The following TAFA2 variants were observed in gnomAD, a reference collection of about 807,000 sequenced individuals.
The protein encoded by TAFA2 is chemokine-like protein TAFA-2.
Under a neutral mutation model 18.8 loss-of-function variants are expected in TAFA2, and 7 were observed. That is an observed-to-expected ratio of 0.37 (90% CI 0.21 to 0.70). The LOEUF is 0.70. Among genes scored for constraint, TAFA2 ranks in the 30% least tolerant of loss-of-function variants. The pLI is 0.53. For synonymous variants in TAFA2, 60 were observed against 54.2 expected, an observed-to-expected ratio of 1.11 and a Z score of -0.47; for missense variants, 122 against 158.1, an observed-to-expected ratio of 0.77 and a Z score of 1.23.
chr12:62,054,280 G>T (rs1255163787), intron 1 of TAFA2, among the ~76,000 whole-genome samples: 1 of 152,172 alleles, frequency 6.6e-6, no homozygotes. Flanking sequence ...AAATATGGAC[G>T]TGATGCTGAA....
At chr12:61,897,015 A>G (rs1353870160) in intron 1 of TAFA2, among the ~76,000 whole-genome samples, 5 of 152,178 alleles carry the variant, frequency 3.3e-5, no homozygotes, top group Non-Finnish European at 5.9e-5. Context: ...TTACTTTTCC[A>G]TATTATTTGA....
chr12:62,071,038 G>T (rs1296079168), intron 1 of TAFA2, among the ~76,000 whole-genome samples: 2 of 152,180 alleles, frequency 1.3e-5, no homozygotes, highest in Non-Finnish European at 2.9e-5. Context: ...AAAAGCAAAA[G>T]AAGTCTTTCA....
chr12:62,211,183 C>T (rs569729380), intron 1 of TAFA2, among the ~76,000 whole-genome samples: 3 of 152,070 alleles, frequency 2.0e-5, no homozygotes, highest in Non-Finnish European at 4.4e-5. Context: ...GATGATACCA[C>T]CAAAGAGAGA....
At chr12:61,911,617 C>G (rs1269649209) in intron 1 of TAFA2, among the ~76,000 whole-genome samples, 2 of 152,106 alleles carry the variant, frequency 1.3e-5, no homozygotes, top group Non-Finnish European at 2.9e-5. Flanking sequence ...ATTTAATAAG[C>G]AGAGTTTTCT....
chr12:61,711,554 G>A (rs1165085996), intron 4 of TAFA2, among the ~76,000 whole-genome samples: 1 of 151,900 alleles, frequency 6.6e-6, no homozygotes, highest in Non-Finnish European at 1.5e-5. Flanking sequence ...AAGTCTGTTT[G>A]GTTTCATTGT....
rs201803041 is a variant in TAFA2, at chr12:61,877,916, T to TACACAC, written c.-1-10491_-1-10490insGTGTGT. ...AAATTGTGATTTTTATATATATATA[T>TACACAC]ATATATATACACACACACACACACA... On this transcript the variant is annotated intron_variant, in intron 1 of 4. Transcript: ENST00000416284. Among the ~76,000 whole-genome samples the TACACAC allele has an allele frequency of 6.2e-3, 357 of 57,872 alleles. 2 individuals carry two copies. The highest frequency in any genetic ancestry group is 0.029 in the South Asian group (37 of 1,290). The allele number at this position is 57,872 out of a possible 152,430, so 38.0% of individuals were successfully genotyped here.
chr12:61,773,384 G>T (rs1870115128), intron 2 of TAFA2, among the ~76,000 whole-genome samples: 1 of 151,274 alleles, frequency 6.6e-6, no homozygotes, highest in East Asian at 1.9e-4. Context: ...ACCAAAAAAG[G>T]GCCCACACAG....
intron 1 of TAFA2, among the ~76,000 whole-genome samples, chr12:62,179,251 C>T (rs970010051): frequency 6.6e-6 from 1 of 152,140 alleles, no homozygotes; most frequent in African/African-American, 2.4e-5. Flanking sequence ...AATTATGACA[C>T]ATTCCTCAAC....
intron 2 of TAFA2, among the ~76,000 whole-genome samples, chr12:61,819,166 G>A (rs1454235761): frequency 1.3e-5 from 2 of 152,122 alleles, no homozygotes; most frequent in Non-Finnish European, 2.9e-5. Flanking sequence ...GGTTTGTGTA[G>A]AGCACTAAGA....
chr12:61,845,291 T>C (rs1213572310), intron 2 of TAFA2, among the ~76,000 whole-genome samples: 1 of 152,102 alleles, frequency 6.6e-6, no homozygotes, highest in Non-Finnish European at 1.5e-5. Flanking sequence ...CTTTAAATTA[T>C]TCTTAATAGC....
chr12:61,753,685 A>G lies in TAFA2; in HGVS notation c.321T>C (p.Cys107=), dbSNP rs1869127180. The G allele has an allele frequency of 1.9e-6, 3 of 1,612,534 alleles. No individual in the cohort carries two copies. In the African/African-American group the frequency reaches 4.0e-5, roughly 22 times the overall value. The part of the protein sequence containing the change: ...HMQPCLEGEE[C]KVLPDRKGWS... ...ATCCTTTCCGATCCGGAAGAACTTT[A>G]CATTCTTCTCCCTCTAGACATGGCT... Residue 107 remains cysteine, a synonymous_variant, in exon 4 of 5, where the codon TGT becomes TGC. Transcript: ENST00000416284.
chr12:61,859,464 G>T (rs1874030767), intron 2 of TAFA2, among the ~76,000 whole-genome samples: 1 of 102,066 alleles, frequency 9.8e-6, no homozygotes, highest in Non-Finnish European at 2.3e-5. Flanking sequence ...TTGATTTTGA[G>T]ATGGAGTCTC....
At chr12:62,157,129 A>T (rs868427001) in intron 1 of TAFA2, among the ~76,000 whole-genome samples, 1 of 152,216 alleles carries the variant, frequency 6.6e-6, no homozygotes, top group Non-Finnish European at 1.5e-5. Context: ...AAAATGAAGG[A>T]CAATAATAAA....
intron 1 of TAFA2, among the ~76,000 whole-genome samples, chr12:61,924,095 G>T (rs1234733770): frequency 6.6e-6 from 1 of 151,872 alleles, no homozygotes; most frequent in Non-Finnish European, 1.5e-5. Flanking sequence ...TATGTGAAAA[G>T]ACCAACCCTA....
At chr12:62,228,968 T>C (rs1363737804) in intron 1 of TAFA2, among the ~76,000 whole-genome samples, 3 of 152,198 alleles carry the variant, frequency 2.0e-5, no homozygotes, top group Non-Finnish European at 4.4e-5. Flanking sequence ...TATTATATAT[T>C]TTTATAGCTA....
chr12:61,904,424 A>C (rs7980734), intron 1 of TAFA2, among the ~76,000 whole-genome samples: 1 of 152,038 alleles, frequency 6.6e-6, no homozygotes, highest in South Asian at 2.1e-4. Flanking sequence ...GTTTGTACTT[A>C]AGCATATTAC....
At chr12:62,250,079 T>C (rs1378730740) in intron 1 of TAFA2, among the ~76,000 whole-genome samples, 4 of 152,252 alleles carry the variant, frequency 2.6e-5, no homozygotes, top group Non-Finnish European at 4.4e-5. Flanking sequence ...CATCTGCATC[T>C]GGTGAGAAGC....
intron 1 of TAFA2, among the ~76,000 whole-genome samples, chr12:62,099,196 G>C (rs961285170): frequency 6.6e-6 from 1 of 152,014 alleles, no homozygotes; most frequent in African/African-American, 2.4e-5. Flanking sequence ...CTAATCAATA[G>C]TGTAAGTCTA....
At chr12:61,794,591 C>A (rs11174176) in intron 2 of TAFA2, among the ~76,000 whole-genome samples, 2 of 151,732 alleles carry the variant, frequency 1.3e-5, no homozygotes, top group African/African-American at 4.8e-5. Flanking sequence ...TTCGATTCAC[C>A]GTGTATTTAT....
Sources: allele counts gnomAD v4.1 joint callset (sites outside exome capture counted in the v4.1 genomes callset), GRCh38; gene constraint gnomAD v4.1.1; transcripts MANE v1.5; gene names NCBI Gene and HGNC (gene_info 2026-07-23, HGNC 2026-07-21).